The following NTM variants were observed in gnomAD, a reference collection of about 807,000 sequenced individuals.
The protein encoded by NTM is neurotrimin, also known as IgLON family member 2.
Under a neutral mutation model 42.1 loss-of-function variants are expected in NTM, and 13 were observed. The ratio of observed to expected loss-of-function variants is 0.31; its 90% CI spans 0.20 to 0.49. The LOEUF (loss-of-function observed/expected upper bound fraction) is 0.49. Ranked by LOEUF, NTM falls within the 20% of genes least tolerant of loss-of-function variation. NTM has a pLI of 0.99. For missense variants in NTM, 373 were observed against 452.8 expected (o/e 0.82, Z 1.60); for synonymous variants, 187 against 179.2 (o/e 1.04, Z -0.35).
intron 2 of NTM, among the ~76,000 whole-genome samples, chr11:131,925,505 C>T (rs1260496965): frequency 6.6e-6 from 1 of 151,682 alleles, no homozygotes; most frequent in Non-Finnish European, 1.5e-5. Flanking sequence ...CCCACCTCAG[C>T]CTCCCAAATA....
At chr11:131,829,273 C>T (rs1019264337) in intron 1 of NTM, among the ~76,000 whole-genome samples, 2 of 152,088 alleles carry the variant, frequency 1.3e-5, no homozygotes, top group Non-Finnish European at 2.9e-5. Flanking sequence ...GTTTGGGGAA[C>T]AATTGATCCC....
intron 1 of NTM, among the ~76,000 whole-genome samples, chr11:131,400,073 G>A (rs1944970535): frequency 1.5e-5 from 2 of 129,974 alleles, no homozygotes; most frequent in Middle Eastern, 4.2e-3. Context: ...GTAGCATGTT[G>A]TAATAATGAA....
At chr11:132,299,248 T>C (rs1035442063) in intron 4 of NTM, among the ~76,000 whole-genome samples, 2 of 152,136 alleles carry the variant, frequency 1.3e-5, no homozygotes, top group Non-Finnish European at 2.9e-5. Context: ...TGAGCTGAGA[T>C]TGCGCCACTG....
In NTM at chr11:131,659,261, C is replaced by T. The variant is rs1026881743; in HGVS notation, c.83-252303C>T. On this transcript the variant is annotated intron_variant, in intron 1 of 8. Transcript: ENST00000683400. ...AACAGAGGTACTGACACCACAGACCCTTAAAGTGTTGTGCTCTTTACAGTT... is the reference window on the plus strand; with the variant it reads ...AACAGAGGTACTGACACCACAGACCTTTAAAGTGTTGTGCTCTTTACAGTT... Among the ~76,000 whole-genome samples, 85 of 152,208 alleles carry T rather than the reference C, an allele frequency of 5.6e-4. 1 individual carries two copies. Among genetic ancestry groups the T allele is most frequent in the Non-Finnish European group, 2.2e-4 (15 of 68,032 alleles).
At chr11:131,871,032 T>C (rs564266) in intron 1 of NTM, among the ~76,000 whole-genome samples, 97,777 of 152,028 alleles carry the variant, frequency 0.64, 32,479 homozygotes, top group East Asian at 0.96. Flanking sequence ...GTGAGAAAGC[T>C]CATCTGAAAG....
At chr11:131,496,820 A>T (rs1296359686) in intron 1 of NTM, among the ~76,000 whole-genome samples, 1 of 152,204 alleles carries the variant, frequency 6.6e-6, no homozygotes, top group East Asian at 1.9e-4. Context: ...GGTGATATTA[A>T]CATGATTAGC....
chr11:131,573,352 A>T (rs927651009), intron 1 of NTM, among the ~76,000 whole-genome samples: 6 of 152,236 alleles, frequency 3.9e-5, no homozygotes, highest in Non-Finnish European at 5.9e-5. Flanking sequence ...AAAGGAACAG[A>T]TGAAAAGTCT....
intron 3 of NTM, among the ~76,000 whole-genome samples, chr11:132,195,062 A>T (rs938046384): frequency 6.6e-6 from 1 of 151,962 alleles, no homozygotes; most frequent in Admixed American, 6.6e-5. Flanking sequence ...ACCTCAAGTG[A>T]TCTGTCTGCC....
chr11:132,003,837 T>C lies in NTM; in HGVS notation c.167+92189T>C, dbSNP rs968520655. ...AGCTTCATTGAGATGTTGTTTAAAA[T>C]TGATTTCTCACCTAGCCACACAGAT... On this transcript the variant is annotated intron_variant, in intron 2 of 8. Transcript: ENST00000683400. The surrounding 1 kb of genome is among the most constrained non-coding windows in gnomAD (Gnocchi z 6.0). Among the ~76,000 whole-genome samples the C allele has an allele frequency of 2.6e-5, 4 of 152,212 alleles. No individual in the cohort carries two copies.
intron 1 of NTM, chr11:131,795,150 G>T (rs77754531): frequency 1.4e-5 from 6 of 418,280 alleles, no homozygotes; most frequent in African/African-American, 1.1e-4. Context: ...CATCTCAATC[G>T]CTGAGTTTTT....
chr11:132,071,822 A>G (rs2057715254), intron 2 of NTM, among the ~76,000 whole-genome samples: 2 of 152,160 alleles, frequency 1.3e-5, no homozygotes, highest in African/African-American at 2.4e-5. Context: ...TTATAAATGT[A>G]ACTACCTCAT....
At chr11:131,922,256 G>A (rs926666214) in intron 2 of NTM, 1 of 152,592 alleles carries the variant, frequency 6.6e-6, no homozygotes, top group Non-Finnish European at 1.5e-5. Context: ...TCCAGTTAGG[G>A]TGCAGCAAAT....
chr11:132,170,038 C>T (rs1247490908), intron 3 of NTM, among the ~76,000 whole-genome samples: 10 of 152,154 alleles, frequency 6.6e-5, no homozygotes, highest in Admixed American at 6.5e-4. Context: ...ACAGGTAGCT[C>T]ATGGGGCTAC....
At chr11:131,757,889 A>G (rs1460924659) in intron 1 of NTM, among the ~76,000 whole-genome samples, 1 of 152,234 alleles carries the variant, frequency 6.6e-6, no homozygotes, top group Non-Finnish European at 1.5e-5. Context: ...CGTTTTAAAA[A>G]TGCCATTATG....
At chr11:132,049,388 G>A (rs1167105382) in intron 2 of NTM, among the ~76,000 whole-genome samples, 2 of 152,148 alleles carry the variant, frequency 1.3e-5, no homozygotes, top group Non-Finnish European at 2.9e-5. Flanking sequence ...CCTGAGGAGG[G>A]AGCCACACCC....
Position 131,789,488 on chromosome 11 carries a change from AAGAGGAAAGAAGAAGAAGAAG to A in NTM, c.83-122074_83-122054del, listed in dbSNP as rs2090076588. Among the ~76,000 whole-genome samples, 4 of 10,444 alleles carry A rather than the reference AAGAGGAAAGAAGAAGAAGAAG, an allele frequency of 3.8e-4. 1 individual carries two copies. The highest frequency in any genetic ancestry group is 7.4e-4 in the African/African-American group (2 of 2,712). 6.9% of individuals were successfully genotyped at this position (10,444 alleles called of 152,430 possible). ...GAAGAAGAAGAAGAAGAAGAAGAAG[AAGAGGAAAGAAGAAGAAGAAG>A]AAGAAGAAGAAGAAGAAGAAGAAGA... On this transcript the variant is annotated intron_variant, in intron 1 of 8. Transcript: ENST00000683400.
intron 2 of NTM, among the ~76,000 whole-genome samples, chr11:132,143,820 C>T (rs1204706719): frequency 3.9e-5 from 6 of 152,138 alleles, no homozygotes; most frequent in Non-Finnish European, 5.9e-5. Context: ...TCAGACAAGG[C>T]AGTACCAGAT....
At chr11:131,462,238 G>A (rs1333777552) in intron 1 of NTM, among the ~76,000 whole-genome samples, 1 of 152,202 alleles carries the variant, frequency 6.6e-6, no homozygotes, top group Non-Finnish European at 1.5e-5. Flanking sequence ...ATCGGGTCTG[G>A]GGTTGTGGGA....
Position 132,146,552 on chromosome 11 carries a change from C to G in NTM, c.400+38C>G. 1 of 1,604,124 alleles carries G rather than the reference C, an allele frequency of 6.2e-7. No individual in the cohort carries two copies. The highest frequency in any genetic ancestry group is 8.5e-7 in the Non-Finnish European group (1 of 1,173,440). ...GGCTTGGCGGGGAGATCTGGCTGGC[C>G]AGCCTGGAAAGCCTTCAGGTAAAGG... On this transcript the variant is annotated intron_variant, in intron 3 of 8. Coordinates refer to ENST00000683400, the MANE Select transcript of NTM (RefSeq NM_001352005.2). The surrounding 1 kb of genome is among the most constrained non-coding windows in gnomAD (Gnocchi z 4.5).
Sources: gnomAD v4.1 joint callset for allele counts (sites outside exome capture counted in the v4.1 genomes callset) on GRCh38, gnomAD v4.1.1 for gene constraint, Gnocchi (gnomAD v3.1) non-coding constraint, MANE v1.5 for transcripts, NCBI Gene and HGNC (gene_info 2026-07-23, HGNC 2026-07-21) for gene names.